The following ARID3A variants were observed in gnomAD, a reference collection of about 807,000 sequenced individuals.
The protein encoded by ARID3A is AT-rich interaction domain 3A, also known as AT-rich interactive domain-containing protein 3A.
A neutral mutation model predicts 52.7 loss-of-function variants in ARID3A; 11 were observed. The observed-to-expected ratio is 0.21, with a 90% CI of 0.13 to 0.35. The LOEUF is 0.35. Ranked by LOEUF, ARID3A falls within the 10% of genes least tolerant of loss-of-function variation. The pLI is 1.00. For synonymous variants in ARID3A, 404 were observed against 359.4 expected, an observed-to-expected ratio of 1.12 and a Z score of -1.40; for missense variants, 721 against 838.5, an observed-to-expected ratio of 0.86 and a Z score of 1.73.
At chr19:952,464 A>AAAG (rs1486708927) in intron 3 of ARID3A, among the ~76,000 whole-genome samples, 10 of 150,642 alleles carry the variant, frequency 6.6e-5, no homozygotes, top group Non-Finnish European at 1.3e-4. Context: ...AAAAAAAAAA[A>AAAG]AAAGGAAAGA....
At position 955,786 on chromosome 19, in the gene ARID3A, A is replaced by C. The variant is rs116337225; in HGVS notation, c.694-4306A>C. 3.3e-4 allele frequency among the ~76,000 whole-genome samples: 51 copies of C among 152,310 alleles called. 1 individual carries two copies. Among genetic ancestry groups the C allele is most frequent in the African/African-American group, 1.2e-3 (49 of 41,580 alleles). On this transcript the variant is annotated intron_variant, in intron 3 of 8. Coordinates refer to ENST00000263620, the MANE Select transcript of ARID3A (RefSeq NM_005224.3). ...GAGAGGACCTTCCGCTCGCCCTGGA[A>C]GGGCCCAAGGTGTGCTGGCCTCTAC...
Position 933,187 on chromosome 19 carries a change from G to A in ARID3A, c.693+445G>A, listed in dbSNP as rs1204028780. Among the ~76,000 whole-genome samples the A allele has an allele frequency of 2.6e-5, 4 of 152,262 alleles. No individual in the cohort carries two copies. In the East Asian group the frequency reaches 7.7e-4, roughly 29 times the overall value. On this transcript the variant is annotated intron_variant, in intron 3 of 8. Transcript: ENST00000263620. Reference sequence around the variant, plus strand: ...CTGTGGAGAGCCGTGGGGGGTTGCGGGCTGCAGCTGGCAGCCGAGGGGATG... The same window carrying A: ...CTGTGGAGAGCCGTGGGGGGTTGCGAGCTGCAGCTGGCAGCCGAGGGGATG...
At chr19:957,019 G>T (rs1322875944) in intron 3 of ARID3A, among the ~76,000 whole-genome samples, 1 of 152,190 alleles carries the variant, frequency 6.6e-6, no homozygotes, top group African/African-American at 2.4e-5. Flanking sequence ...GGTATTTGTC[G>T]CAGCTCCTCC....
Position 964,795 on chromosome 19 carries a change from G to T in ARID3A, c.951-38G>T. ...GAAGGCCAAAGAGAGCCGTAGGGGTGACCCGGGTGCCATCCTCTTCCCTCG... is the reference window on the plus strand; with the variant it reads ...GAAGGCCAAAGAGAGCCGTAGGGGTTACCCGGGTGCCATCCTCTTCCCTCG... On this transcript the variant is annotated intron_variant, in intron 5 of 8. Transcript: ENST00000263620. The surrounding 1 kb of genome is among the most constrained non-coding windows in gnomAD (Gnocchi z 5.7). 1.3e-6 allele frequency: 2 copies of T among 1,597,868 alleles called. No individual in the cohort carries two copies. The highest frequency in any genetic ancestry group is 2.2e-5 in the South Asian group (2 of 89,518).
chr19:964,928 G>C lies in ARID3A; in HGVS notation c.1046G>C (p.Gly349Ala). Residue 349 changes from glycine to alanine, a missense_variant, in exon 6 of 9, where the codon GGC becomes GCC. By Grantham distance (60) the Gly-to-Ala change is moderately conservative. Transcript: ENST00000263620. The surrounding 1 kb of genome is among the most constrained non-coding windows in gnomAD (Gnocchi z 5.7). ...QAAIDSNRRE[G>A]RRQSFGGSLF... ...GCCATAGACAGCAACCGACGGGAGG[G>C]CCGGCGCCAGAGCTTTGGTGGCTCC... The C allele has an allele frequency of 2.5e-6, 4 of 1,613,958 alleles. No individual in the cohort carries two copies. Among genetic ancestry groups the C allele is most frequent in the Non-Finnish European group, 3.4e-6 (4 of 1,180,010 alleles).
intron 2 of ARID3A, among the ~76,000 whole-genome samples, chr19:931,928 G>T (rs2037337841): frequency 6.6e-6 from 1 of 152,166 alleles, no homozygotes; most frequent in Non-Finnish European, 1.5e-5. Context: ...TCTCCCTGTG[G>T]AGGGAAGGGG....
chr19:948,562 G>GC (rs1193836712), intron 3 of ARID3A, among the ~76,000 whole-genome samples: 5 of 152,104 alleles, frequency 3.3e-5, no homozygotes, highest in Middle Eastern at 3.4e-3. Flanking sequence ...AGGTCCTCCT[G>GC]CCCCCCGTGC....
intron 3 of ARID3A, among the ~76,000 whole-genome samples, chr19:951,550 CAAAA>C (rs1026477568): frequency 6.6e-6 from 1 of 151,444 alleles, no homozygotes; most frequent in Non-Finnish European, 1.5e-5. Context: ...GACCCTGTCT[CAAAA>C]AAAGGAAAAA....
In ARID3A at chr19:941,779, CTGTG is replaced by C. The variant is rs34643064; in HGVS notation, c.693+9063_693+9066del. Among the ~76,000 whole-genome samples, 97 of 146,222 alleles carry C rather than the reference CTGTG, an allele frequency of 6.6e-4. No individual in the cohort carries two copies. The highest frequency in any genetic ancestry group is 3.5e-3 in the Middle Eastern group (1 of 282). On this transcript the variant is annotated intron_variant, in intron 3 of 8. Coordinates refer to ENST00000263620, the MANE Select transcript of ARID3A (RefSeq NM_005224.3). The surrounding 1 kb of genome is among the most constrained non-coding windows in gnomAD (Gnocchi z 6.9). The stretch of plus-strand genomic sequence containing the variant: ...TCTCTTGTGTTTTGTGTGGATGTGG[CTGTG>C]TGTGTGTGTGTGTGTGTGTGTGTGT...
chr19:957,370 T>C (rs115868896), intron 3 of ARID3A, among the ~76,000 whole-genome samples: 7,744 of 152,230 alleles, frequency 0.051, 636 homozygotes, highest in African/African-American at 0.17. Flanking sequence ...GCCCCCAGGC[T>C]CTGGTCCCGC....
At position 973,013 on chromosome 19, in the gene ARID3A, CCCCTGACAGTGAA is replaced by C. The variant is rs2038312406; in HGVS notation, c.*949_*961del. ...ATGCTGGGGTCCCACCGGCCAGGGGCCCCTGACAGTGAATTGCTGACTGTGATATTCCACGATG... is the reference window on the plus strand; with the variant it reads ...ATGCTGGGGTCCCACCGGCCAGGGGCTTGCTGACTGTGATATTCCACGATG... On this transcript the variant is annotated 3_prime_UTR_variant, in exon 9 of 9. Transcript: ENST00000263620. 1.5e-5 allele frequency: 3 copies of C among 200,812 alleles called. No individual in the cohort carries two copies. Among genetic ancestry groups the C allele is most frequent in the Admixed American group, 6.0e-5 (1 of 16,574 alleles). 12.4% of individuals were successfully genotyped at this position (200,812 alleles called of 1,614,324 possible). A position where few individuals can be genotyped will look rare whatever the true frequency, so the allele number is the denominator to read the frequency against.
At position 941,244 on chromosome 19, in the gene ARID3A, G is replaced by T. The variant is rs1475205651; in HGVS notation, c.693+8502G>T. On this transcript the variant is annotated intron_variant, in intron 3 of 8. Coordinates refer to ENST00000263620, the MANE Select transcript of ARID3A (RefSeq NM_005224.3). This position sits in a 1 kb window ranked among gnomAD's most constrained non-coding sequence, Gnocchi z 6.9. ...GGCGTGGTGAGCCGCCGTGGCGTGC[G>T]TGCGAGTGTGCACGCTGGGGCTGTG... 2.0e-5 allele frequency among the ~76,000 whole-genome samples: 3 copies of T among 152,256 alleles called. No homozygotes were observed. Among genetic ancestry groups the T allele is most frequent in the Non-Finnish European group, 4.4e-5 (3 of 68,038 alleles).
Position 964,168 on chromosome 19 carries a change from T to C in ARID3A, c.767-80T>C. On this transcript the variant is annotated intron_variant, in intron 4 of 8. Coordinates refer to ENST00000263620, the MANE Select transcript of ARID3A (RefSeq NM_005224.3). The surrounding 1 kb of genome is among the most constrained non-coding windows in gnomAD (Gnocchi z 5.7). ...CCTGGGCGGGGGAGTGCTCCTGGCA[T>C]GGAGAGGGCGGAGGCCAGGACACTC... 1 of 1,239,774 alleles carries C rather than the reference T, an allele frequency of 8.1e-7. No individual in the cohort carries two copies. The highest frequency in any genetic ancestry group is 1.1e-6 in the Non-Finnish European group (1 of 880,492). 76.8% of individuals were successfully genotyped at this position (1,239,774 alleles called of 1,614,324 possible). A position where few individuals can be genotyped will look rare whatever the true frequency, so the allele number is the denominator to read the frequency against.
intron 3 of ARID3A, among the ~76,000 whole-genome samples, chr19:950,079 C>CGTCCCCAGAGTGAACGGATGGATGAGGCT (rs1250857738): frequency 8.1e-5 from 10 of 123,514 alleles, no homozygotes; most frequent in African/African-American, 2.8e-4. Flanking sequence ...TGGATGAGGC[C>CGTCCCCAGAGTGAACGGATGGATGAGGCT]GTCCCCAGAG....
At position 973,820 on chromosome 19, in the gene ARID3A, C is replaced by T. The variant is rs1263840269; in HGVS notation, c.*1755C>T. The T allele has an allele frequency of 8.7e-6, 2 of 230,092 alleles. No individual in the cohort carries two copies. Among genetic ancestry groups the T allele is most frequent in the Non-Finnish European group, 1.7e-5 (2 of 116,154 alleles). The allele number at this position is 230,092 out of a possible 1,614,324, so 14.3% of individuals were successfully genotyped here. On this transcript the variant is annotated 3_prime_UTR_variant, in exon 9 of 9. Coordinates refer to ENST00000263620, the MANE Select transcript of ARID3A (RefSeq NM_005224.3). The stretch of plus-strand genomic sequence containing the variant: ...CCCCCTGGCTTGGAGAAAGTGGGGT[C>T]ACCGCAGCTGAGCTGGGGGGTTATT...
At chr19:969,670 GATAT>G (rs140013157) in intron 8 of ARID3A, among the ~76,000 whole-genome samples, 9 of 147,534 alleles carry the variant, frequency 6.1e-5, no homozygotes, top group African/African-American at 1.2e-4. Flanking sequence ...TATCTACATA[GATAT>G]ATATATATAT....
rs2038120776 is a variant in ARID3A, at chr19:965,085, G to A, written c.1198+5G>A. ...CCGCCCCTAAGATCAAGAAAGGTAA[G>A]GGCCTGTATGGGGCCTGGGGCGTGT... is the stretch of plus-strand genomic sequence containing the variant. On this transcript the variant is annotated splice_donor_5th_base_variant and intron_variant, in intron 6 of 8. Transcript: ENST00000263620. 1 of 1,601,186 alleles carries A rather than the reference G, an allele frequency of 6.2e-7. No homozygotes were observed.
intron 3 of ARID3A, among the ~76,000 whole-genome samples, chr19:937,298 C>G (rs1174619505): frequency 6.6e-6 from 1 of 152,140 alleles, no homozygotes; most frequent in Non-Finnish European, 1.5e-5. Context: ...AATGGGATCA[C>G]ACACTGCGTG....
In ARID3A at chr19:930,611, A is replaced by G. The variant is rs1401531282; in HGVS notation, c.368+715A>G. The stretch of plus-strand genomic sequence containing the variant: ...TGCAACCTCCTCCTCCCGGGTTCAC[A>G]CCATTCTCCTGCCTCAGCCTCCCGA... On this transcript the variant is annotated intron_variant, in intron 2 of 8. Coordinates refer to ENST00000263620, the MANE Select transcript of ARID3A (RefSeq NM_005224.3). 1.2e-4 allele frequency among the ~76,000 whole-genome samples: 17 copies of G among 143,578 alleles called. No individual in the cohort carries two copies. In the South Asian group the frequency reaches 1.4e-3, roughly 12 times the overall value. The allele number at this position is 143,578 out of a possible 152,430, so 94.2% of individuals were successfully genotyped here. A position where few individuals can be genotyped will look rare whatever the true frequency, so the allele number is the denominator to read the frequency against.
Sources: gnomAD v4.1 joint callset for allele counts (sites outside exome capture counted in the v4.1 genomes callset) on GRCh38, gnomAD v4.1.1 for gene constraint, Gnocchi (gnomAD v3.1) non-coding constraint, MANE v1.5 for transcripts, NCBI Gene and HGNC (gene_info 2026-07-23, HGNC 2026-07-21) for gene names.